Variants in RBFA observed in about 807,000 individuals in gnomAD.
The protein encoded by RBFA is putative ribosome-binding factor A, mitochondrial.
Under a neutral mutation model 27.9 loss-of-function variants are expected in RBFA, and 16 were observed. The observed-to-expected ratio is 0.57, with a 90% CI of 0.39 to 0.87. The LOEUF (loss-of-function observed/expected upper bound fraction) is 0.87, where lower values mean the gene tolerates loss of function less well. Among genes scored for constraint, RBFA ranks in the 40% least tolerant of loss-of-function variants. The pLI is 0.00. For missense variants in RBFA, 456 were observed against 432.1 expected (o/e 1.06, Z -0.49); for synonymous variants, 181 against 181.0 (o/e 1.00, Z 0.00).
In RBFA at chr18:80,038,631, C is replaced by T. The variant is rs767911157; in HGVS notation, c.491+14C>T. 1 of 1,579,168 alleles carries T rather than the reference C, an allele frequency of 6.3e-7. No individual in the cohort carries two copies. Among genetic ancestry groups the T allele is most frequent in the East Asian group, 2.3e-5 (1 of 44,378 alleles). On this transcript the variant is annotated intron_variant, in intron 4 of 6. Transcript: ENST00000306735. Reference sequence around the variant, plus strand: ...CGCGCACATGAGGTGATGACCTTTGCTTTCTGAATGTACTTGCTTTTTGCT... The same window carrying T: ...CGCGCACATGAGGTGATGACCTTTGTTTTCTGAATGTACTTGCTTTTTGCT...
At chr18:80,034,688 A>G (rs2051963187) in intron 1 of RBFA, 35 bp downstream of exon 1, 16 of 1,596,960 alleles carry the variant, frequency 1.0e-5, no homozygotes, top group Middle Eastern at 3.3e-4. Flanking sequence ...TGGGCGCGGT[A>G]TTCCCTAGGG....
chr18:80,034,547 C>T lies in RBFA; in HGVS notation c.52C>T (p.Leu18=), dbSNP rs373924793. 1.2e-6 allele frequency: 2 copies of T among 1,607,624 alleles called. No homozygotes were observed. The highest frequency in any genetic ancestry group is 3.4e-5 in the Admixed American group (2 of 58,822). The change falls in exon 1 of 7, where the codon CTG becomes TTG. Residue 18 remains leucine, a synonymous_variant. Transcript: ENST00000306735. ...LWRSRAGLRA[L]FRSRDAALFP... ...GCGCTCCCGCGCGGGTCTCCGGGCC[C>T]TGTTCCGTAGCCGCGATGCTGCGCT...
In RBFA at chr18:80,034,487, C is replaced by G. The variant is rs952023570; in HGVS notation, c.-9C>G. ...TCTCCCTGCTCGCTCCGGGTCCCGG[C>G]GCCGCGCCATGTGGGCTGCGGCGGG... is the stretch of plus-strand genomic sequence containing the variant. On this transcript the variant is annotated 5_prime_UTR_variant, in exon 1 of 7. Transcript: ENST00000306735. The G allele has an allele frequency of 2.6e-6, 4 of 1,526,934 alleles. No homozygotes were observed. Among genetic ancestry groups the G allele is most frequent in the Admixed American group, 2.5e-5 (1 of 40,504 alleles). The allele number at this position is 1,526,934 out of a possible 1,614,324, so 94.6% of individuals were successfully genotyped here. A position where few individuals can be genotyped will look rare whatever the true frequency, so the allele number is the denominator to read the frequency against.
chr18:80,044,399 A>T, intron 6 of RBFA, 114 bp downstream of exon 6: 1 of 936,750 alleles, frequency 1.1e-6, no homozygotes, highest in Non-Finnish European at 1.7e-6. Flanking sequence ...CATGATCCCC[A>T]TGGCACTTGC....
Position 80,037,424 on chromosome 18 carries a change from T to C in RBFA, c.296T>C (p.Leu99Pro). Residue 99 changes from leucine (L) to proline (P), a missense_variant, in exon 3 of 7, where the codon CTC becomes CCC. Transcript: ENST00000306735. ...DHARLRALNG[L>P]LYKALTDLLC... ...GCGCGCCTGAGGGCCCTGAACGGCC[T>C]CCTCTATAAGGCACTGACAGACCTG... The C allele has an allele frequency of 6.2e-7, 1 of 1,614,102 alleles. No individual in the cohort carries two copies. Among genetic ancestry groups the C allele is most frequent in the Non-Finnish European group, 8.5e-7 (1 of 1,180,010 alleles).
chr18:80,044,391 T>C (rs1042161845), intron 6 of RBFA, 106 bp downstream of exon 6: 9 of 996,290 alleles, frequency 9.0e-6, no homozygotes, highest in Non-Finnish European at 1.4e-5. Flanking sequence ...GTAGCCTGCA[T>C]GATCCCCATG....
In RBFA at chr18:80,037,761, C is replaced by T. The variant is rs1032141689; in HGVS notation, c.378+255C>T. 5.9e-5 allele frequency among the ~76,000 whole-genome samples: 9 copies of T among 152,108 alleles called. No homozygotes were observed. The South Asian group carries it at 6.2e-4, about 11-fold the overall frequency. On this transcript the variant is annotated intron_variant, in intron 3 of 6. Transcript: ENST00000306735. ...AAACTTAGCCGGGCATGGTGGCGGG[C>T]GCCTGTAGTCCCAGCTACTCGGGCG... is the stretch of plus-strand genomic sequence containing the variant.
rs1403491700 is a variant in RBFA at position 80,048,504 on chromosome 18, G to T, written c.*2349G>T. On this transcript the variant is annotated 3_prime_UTR_variant, in exon 7 of 7. Transcript: ENST00000306735. ...GATTGCTGCCATCAATTTGTCTCAG[G>T]TCCTTCTAGCACATCTGACAGGGAC... Among the ~76,000 whole-genome samples, 1 of 152,160 alleles carries T rather than the reference G, an allele frequency of 6.6e-6. No homozygotes were observed. The highest frequency in any genetic ancestry group is 1.9e-4 in the East Asian group (1 of 5,192).
chr18:80,049,062 G>GTA lies in RBFA; in HGVS notation c.*2907_*2908insTA, dbSNP rs2052077983. Among the ~76,000 whole-genome samples, 1 of 152,258 alleles carries GTA rather than the reference G, an allele frequency of 6.6e-6. No individual in the cohort carries two copies. The highest frequency in any genetic ancestry group is 1.5e-5 in the Non-Finnish European group (1 of 68,036). On this transcript the variant is annotated 3_prime_UTR_variant, in exon 7 of 7. Transcript: ENST00000306735. The stretch of plus-strand genomic sequence containing the variant: ...GCACGTTTCAGAGAAAACTGGCTTA[G>GTA]GCCTCCCTGTTTCTGGCGTGGCCTT...
rs1438592921 is a variant in RBFA at position 80,034,665 on chromosome 18, G to A, written c.158+12G>A. 5.0e-6 allele frequency: 8 copies of A among 1,607,220 alleles called. No individual in the cohort carries two copies. Among genetic ancestry groups the A allele is most frequent in the Non-Finnish European group, 5.9e-6 (7 of 1,178,200 alleles). On this transcript the variant is annotated intron_variant, in intron 1 of 6. Coordinates refer to ENST00000306735, the MANE Select transcript of RBFA (RefSeq NM_024805.3). ...GCCTCGAAAACCAAGTAATGCGGCG[G>A]GGGCGGTGTCCCTGGGCGCGGTATT...
intron 5 of RBFA, among the ~76,000 whole-genome samples, chr18:80,042,577 T>C (rs2052023563): frequency 6.6e-6 from 1 of 152,102 alleles, no homozygotes; most frequent in African/African-American, 2.4e-5. Context: ...GAGACTAGCC[T>C]GGCCAATACG....
intron 5 of RBFA, among the ~76,000 whole-genome samples, chr18:80,043,501 A>C (rs1469680674): frequency 6.6e-6 from 1 of 152,180 alleles, no homozygotes; most frequent in Non-Finnish European, 1.5e-5. Context: ...TTCCCTGGGG[A>C]GGACGTGCCA....
chr18:80,042,647 C>T (rs373898130), intron 5 of RBFA, among the ~76,000 whole-genome samples: 4 of 151,792 alleles, frequency 2.6e-5, no homozygotes, highest in African/African-American at 4.8e-5. Flanking sequence ...GGCGTGCGCC[C>T]GTAGTCTCAG....
chr18:80,034,593 G>A lies in RBFA; in HGVS notation c.98G>A (p.Gly33Glu), dbSNP rs2051961610. ...GCGCTATTTCCAGGCTGCGAGCGGG[G>A]ACTTCACTGCTCTGCTGTCTCCTGC... Reference protein sequence around the residue: ...DAALFPGCERGLHCSAVSCKN... With the variant: ...DAALFPGCERELHCSAVSCKN... Residue 33 changes from glycine to glutamate, a missense_variant, in exon 1 of 7, where the codon GGA becomes GAA. Gly to Glu is a moderately conservative substitution (Grantham distance 98, BLOSUM62 -2). Transcript: ENST00000306735. The A allele has an allele frequency of 6.2e-7, 1 of 1,609,842 alleles. No individual in the cohort carries two copies. Among genetic ancestry groups the A allele is most frequent in the Non-Finnish European group, 8.5e-7 (1 of 1,179,170 alleles).
At position 80,046,564 on chromosome 18, in the gene RBFA, C is replaced by G. The variant is rs891365928; in HGVS notation, c.*409C>G. Among the ~76,000 whole-genome samples, 21 of 152,224 alleles carry G rather than the reference C, an allele frequency of 1.4e-4. No homozygotes were observed. The highest frequency in any genetic ancestry group is 9.2e-4 in the Admixed American group (14 of 15,294). ...AGAGGGTCCCCAGAGCCTCCCAACC[C>G]CCTGGAGCTGGGCTCCGTCCCTGGG... On this transcript the variant is annotated 3_prime_UTR_variant, in exon 7 of 7. Coordinates refer to ENST00000306735, the MANE Select transcript of RBFA (RefSeq NM_024805.3).
intron 6 of RBFA, among the ~76,000 whole-genome samples, 180 bp downstream of exon 6, chr18:80,044,465 C>T (rs1369906017): frequency 6.6e-6 from 1 of 152,206 alleles, no homozygotes; most frequent in Non-Finnish European, 1.5e-5. Flanking sequence ...GCCACGTTTA[C>T]ACAGTGAGGG....
rs2052061866 is a variant in RBFA, at chr18:80,047,241, AGTGGCTTTAGTTGCT to A, written c.*1090_*1104del. The A allele has an allele frequency of 6.6e-6, 1 of 152,360 alleles. No individual in the cohort carries two copies. The highest frequency in any genetic ancestry group is 1.5e-5 in the Non-Finnish European group (1 of 68,108). The allele number at this position is 152,360 out of a possible 1,614,324, so 9.4% of individuals were successfully genotyped here. On this transcript the variant is annotated 3_prime_UTR_variant, in exon 7 of 7. Transcript: ENST00000306735. ...CAGGAGTAGAATCTGTGGAAGCAGCAGTGGCTTTAGTTGCTGTGCCCTGCCACCTCCTCCCCAAAA... is the reference window on the plus strand; with the variant it reads ...CAGGAGTAGAATCTGTGGAAGCAGCAGTGCCCTGCCACCTCCTCCCCAAAA...
At chr18:80,041,004 C>T (rs1056940026) in intron 4 of RBFA, among the ~76,000 whole-genome samples, 1 of 152,168 alleles carries the variant, frequency 6.6e-6, no homozygotes, top group Non-Finnish European at 1.5e-5. Context: ...GGAATTCCTC[C>T]TTTCTGCCTC....
rs763395538 is a variant in RBFA at position 80,042,238 on chromosome 18, CTT to C, written c.576+23_576+24del. The C allele has an allele frequency of 4.5e-6, 7 of 1,553,400 alleles. No homozygotes were observed. The South Asian group carries it at 6.0e-5, about 13-fold the overall frequency. ...AGCTGAGGTAAGGTTTTCAAAAAAA[CTT>C]TTTAAAATTTAAAAATTTTTATTTT... On this transcript the variant is annotated intron_variant, in intron 5 of 6. Coordinates refer to ENST00000306735, the MANE Select transcript of RBFA (RefSeq NM_024805.3).
Sources: gnomAD v4.1 joint callset for allele counts (sites outside exome capture counted in the v4.1 genomes callset) on GRCh38, gnomAD v4.1.1 for gene constraint, MANE v1.5 for transcripts, NCBI Gene and HGNC (gene_info 2026-07-23, HGNC 2026-07-21) for gene names.